OSBPL9: variants seen among roughly 807,000 people sequenced by gnomAD.
OSBPL9 encodes oxysterol-binding protein-related protein 9.
A neutral mutation model predicts 106.6 loss-of-function variants in OSBPL9; 40 were observed. That is an observed-to-expected ratio of 0.38 (90% CI 0.29 to 0.49). OSBPL9 has a LOEUF of 0.49. Among genes scored for constraint, OSBPL9 ranks in the 20% least tolerant of loss-of-function variants. The pLI, the probability that OSBPL9 is intolerant of heterozygous loss-of-function variation, is 0.97. For synonymous variants in OSBPL9, 269 were observed against 295.4 expected (o/e 0.91, Z 0.92); for missense variants, 609 against 887.2 (o/e 0.69, Z 3.98).
chr1:51,657,074 C>T (rs1646865035), intron 2 of OSBPL9, among the ~76,000 whole-genome samples: 1 of 152,126 alleles, frequency 6.6e-6, no homozygotes, highest in Admixed American at 6.6e-5. Flanking sequence ...TAATAAGTTC[C>T]TATTCAGTGT....
chr1:51,611,215 C>G (rs148277077), intron 2 of OSBPL9, among the ~76,000 whole-genome samples: 1 of 151,156 alleles, frequency 6.6e-6, no homozygotes, highest in Non-Finnish European at 1.5e-5. Flanking sequence ...TGATGTTTCA[C>G]TTTCTTGCTC....
intron 1 of OSBPL9, among the ~76,000 whole-genome samples, chr1:51,635,769 A>G (rs1645391615): frequency 6.6e-6 from 1 of 152,102 alleles, no homozygotes; most frequent in Non-Finnish European, 1.5e-5. Context: ...AAAAACAGTG[A>G]AAAACCTGAG....
At chr1:51,654,106 A>G (rs928663413) in intron 2 of OSBPL9, among the ~76,000 whole-genome samples, 2 of 152,066 alleles carry the variant, frequency 1.3e-5, no homozygotes, top group Non-Finnish European at 2.9e-5. Context: ...GCAGTTCACT[A>G]CATTCCTCTG....
chr1:51,742,820 A>G (rs997608237), intron 4 of OSBPL9, among the ~76,000 whole-genome samples: 1 of 152,226 alleles, frequency 6.6e-6, no homozygotes, highest in Non-Finnish European at 1.5e-5. Flanking sequence ...TTGAATGGAA[A>G]GAGAAACAGT....
rs116008026 is a variant in OSBPL9 at position 51,687,669 on chromosome 1, G to A, written c.241+18157G>A. 6.8e-3 allele frequency among the ~76,000 whole-genome samples: 1,029 copies of A among 152,354 alleles called. 2 individuals are homozygous for A. The highest frequency in any genetic ancestry group is 0.011 in the Non-Finnish European group (721 of 68,036). ...TTGGAAGTGTGGAAAAGGATGACCTGTTTGAGAAATGTAAGAAGTGTCCTA... is the reference window on the plus strand; with the variant it reads ...TTGGAAGTGTGGAAAAGGATGACCTATTTGAGAAATGTAAGAAGTGTCCTA... On this transcript the variant is annotated intron_variant, in intron 3 of 23. Transcript: ENST00000428468.
At chr1:51,653,585 A>G (rs1003063662) in intron 2 of OSBPL9, among the ~76,000 whole-genome samples, 9 of 152,240 alleles carry the variant, frequency 5.9e-5, no homozygotes, top group African/African-American at 1.9e-4. Context: ...TATGTCTCCT[A>G]AAGTAATCAC....
Position 51,787,847 on chromosome 1 carries a change from A to G in OSBPL9, c.*58A>G. 6.9e-7 allele frequency: 1 copy of G among 1,439,496 alleles called. No homozygotes were observed. Among genetic ancestry groups the G allele is most frequent in the Non-Finnish European group, 9.8e-7 (1 of 1,023,628 alleles). The allele number at this position is 1,439,496 out of a possible 1,614,324, so 89.2% of individuals were successfully genotyped here. A position where few individuals can be genotyped will look rare whatever the true frequency, so the allele number is the denominator to read the frequency against. ...AGGGCAGTAGGCATAATTCAGCAAC[A>G]AACAATCTTCCTTTGGGAGAAACCT... is the stretch of plus-strand genomic sequence containing the variant. On this transcript the variant is annotated 3_prime_UTR_variant, in exon 24 of 24. Coordinates refer to ENST00000428468, the MANE Select transcript of OSBPL9 (RefSeq NM_024586.6).
chr1:51,599,499 AT>A (rs1645317428), intron 2 of OSBPL9, among the ~76,000 whole-genome samples: 1 of 152,108 alleles, frequency 6.6e-6, no homozygotes, highest in South Asian at 2.1e-4. Flanking sequence ...TAAAAAAATT[AT>A]TATATACATA....
upstream of OSBPL9, among the ~76,000 whole-genome samples, chr1:51,576,580 T>G (rs575199189): frequency 6.6e-6 from 1 of 152,278 alleles, no homozygotes; most frequent in East Asian, 1.9e-4. Flanking sequence ...CAGGTTGCAG[T>G]GCAGTGGCAT....
At chr1:51,656,570 C>T (rs1439019214) in intron 2 of OSBPL9, among the ~76,000 whole-genome samples, 1 of 152,094 alleles carries the variant, frequency 6.6e-6, no homozygotes, top group Non-Finnish European at 1.5e-5. Flanking sequence ...TGAAGCCTTT[C>T]TAATCCGCAT....
chr1:51,772,874 A>C, intron 14 of OSBPL9, 151 bp downstream of exon 14: 1 of 664,276 alleles, frequency 1.5e-6, no homozygotes, highest in Non-Finnish European at 2.7e-6. Context: ...TAAGTAAACA[A>C]AATTTTATAA....
chr1:51,589,595 A>C (rs939185027), intron 1 of OSBPL9, among the ~76,000 whole-genome samples: 5 of 152,270 alleles, frequency 3.3e-5, no homozygotes, highest in African/African-American at 1.2e-4. Flanking sequence ...AATGATGAGA[A>C]GGAGCAAACC....
intron 2 of OSBPL9, among the ~76,000 whole-genome samples, chr1:51,666,331 G>C (rs1356245474): frequency 6.6e-6 from 1 of 152,146 alleles, no homozygotes; most frequent in Admixed American, 6.5e-5. Context: ...GTAGCTAGAG[G>C]GAGATGTGGG....
chr1:51,575,871 C>G (rs929974851), upstream of OSBPL9, among the ~76,000 whole-genome samples: 2 of 152,212 alleles, frequency 1.3e-5, no homozygotes, highest in African/African-American at 4.8e-5. Context: ...TTATCAAAGA[C>G]AGGAAGTTGA....
intron 3 of OSBPL9, among the ~76,000 whole-genome samples, chr1:51,705,606 G>T (rs918630803): frequency 2.0e-5 from 3 of 150,740 alleles, no homozygotes; most frequent in Non-Finnish European, 4.4e-5. Context: ...GTAGAGTTGG[G>T]GTTTCTCCAT....
At chr1:51,569,340 C>T in the OSBPL9 span, among the ~76,000 whole-genome samples, 1 of 152,160 alleles carries the variant, frequency 6.6e-6, no homozygotes, top group African/African-American at 2.4e-5. Flanking sequence ...GTACCATGTG[C>T]CTCCCCACCT....
At chr1:51,572,553 G>A (rs532411254), upstream of OSBPL9, among the ~76,000 whole-genome samples, 3 of 152,114 alleles carry the variant, frequency 2.0e-5, no homozygotes, top group African/African-American at 4.8e-5. Context: ...CAAGTGCAGC[G>A]TGCTATTTTT....
At chr1:51,549,931 C>G in the OSBPL9 span, among the ~76,000 whole-genome samples, 17 of 152,356 alleles carry the variant, frequency 1.1e-4, no homozygotes, top group South Asian at 3.5e-3. Flanking sequence ...GATATTCACT[C>G]ACTCATTCCA....
At chr1:51,561,294 C>T in the OSBPL9 span, among the ~76,000 whole-genome samples, 1 of 152,186 alleles carries the variant, frequency 6.6e-6, no homozygotes, top group Admixed American at 6.5e-5. Context: ...CTTACCTTAA[C>T]AGATGTATGT....
Sources: allele counts gnomAD v4.1 joint callset (sites outside exome capture counted in the v4.1 genomes callset), GRCh38; gene constraint gnomAD v4.1.1; transcripts MANE v1.5; gene names NCBI Gene and HGNC (gene_info 2026-07-23, HGNC 2026-07-21).